SNTB1: variants seen among roughly 807,000 people sequenced by gnomAD.
SNTB1 encodes syntrophin beta 1, also known as beta-1-syntrophin.
In SNTB1, 36 loss-of-function variants were observed where a neutral mutation model predicts 48.9. The ratio of observed to expected loss-of-function variants is 0.74; its 90% CI spans 0.56 to 0.97. The LOEUF is 0.97. Ranked by LOEUF, SNTB1 falls within the 50% of genes least tolerant of loss-of-function variation. The pLI is 0.00. For missense variants in SNTB1, 786 were observed against 703.4 expected, an observed-to-expected ratio of 1.12 and a Z score of -1.33; for synonymous variants, 299 against 294.6, an observed-to-expected ratio of 1.01 and a Z score of -0.15.
chr8:120,793,186 G>A (rs1440918922), intron 1 of SNTB1, among the ~76,000 whole-genome samples: 1 of 151,982 alleles, frequency 6.6e-6, no homozygotes, highest in Non-Finnish European at 1.5e-5. Flanking sequence ...GGTGTGGAGA[G>A]TAAGTCTGGG....
At chr8:120,682,860 T>C (rs764867155) in intron 2 of SNTB1, among the ~76,000 whole-genome samples, 9 of 151,162 alleles carry the variant, frequency 6.0e-5, no homozygotes, top group Non-Finnish European at 1.3e-4. Flanking sequence ...ATAATACTCA[T>C]AGTTTTTTGT....
At chr8:120,788,990 G>T (rs986321062) in intron 1 of SNTB1, among the ~76,000 whole-genome samples, 1 of 151,912 alleles carries the variant, frequency 6.6e-6, no homozygotes, top group Admixed American at 6.6e-5. Context: ...TATATGATAG[G>T]CCACAAAACA....
At chr8:120,747,122 T>A (rs1340802339) in intron 1 of SNTB1, among the ~76,000 whole-genome samples, 1 of 152,102 alleles carries the variant, frequency 6.6e-6, no homozygotes, top group African/African-American at 2.4e-5. Context: ...CATGGTCTTA[T>A]TTATTATTTT....
chr8:120,601,343 A>T (rs1201008506), intron 3 of SNTB1, among the ~76,000 whole-genome samples: 3 of 152,170 alleles, frequency 2.0e-5, no homozygotes, highest in African/African-American at 7.2e-5. Context: ...GGATGAAAAC[A>T]TCTGATATTC....
At chr8:120,803,353 T>G (rs1166625721) in intron 1 of SNTB1, among the ~76,000 whole-genome samples, 1 of 152,208 alleles carries the variant, frequency 6.6e-6, no homozygotes. Flanking sequence ...TTATATATTT[T>G]TGTCTTAAGT....
intron 4 of SNTB1, among the ~76,000 whole-genome samples, chr8:120,557,692 T>C (rs916057140): frequency 2.0e-5 from 3 of 152,196 alleles, no homozygotes; most frequent in Non-Finnish European, 2.9e-5. Context: ...CTGATCTCTC[T>C]TACTAGACCT....
At chr8:120,626,394 T>C (rs1393267292) in intron 3 of SNTB1, among the ~76,000 whole-genome samples, 1 of 152,186 alleles carries the variant, frequency 6.6e-6, no homozygotes, top group Admixed American at 6.5e-5. Context: ...GCAATCTTAA[T>C]CAGTTGGAAA....
chr8:120,604,230 C>T (rs1354097663), intron 3 of SNTB1, among the ~76,000 whole-genome samples: 1 of 152,168 alleles, frequency 6.6e-6, no homozygotes, highest in African/African-American at 2.4e-5. Context: ...TTGATATCCC[C>T]TTGGCGTCTC....
intron 4 of SNTB1, among the ~76,000 whole-genome samples, chr8:120,563,194 C>T (rs1235497447): frequency 6.6e-6 from 1 of 152,022 alleles, no homozygotes; most frequent in African/African-American, 2.4e-5. Context: ...AATAATGTGA[C>T]CTTAATCCTC....
At chr8:120,595,747 C>T (rs1023036246) in intron 3 of SNTB1, among the ~76,000 whole-genome samples, 2 of 152,032 alleles carry the variant, frequency 1.3e-5, no homozygotes, top group African/African-American at 4.8e-5. Flanking sequence ...CCACGCCCGG[C>T]TAATTTTGTG....
At chr8:120,565,211 A>T (rs914669945) in intron 4 of SNTB1, among the ~76,000 whole-genome samples, 3 of 152,202 alleles carry the variant, frequency 2.0e-5, no homozygotes, top group Non-Finnish European at 2.9e-5. Context: ...TTAAAAATGT[A>T]GCCAATGTAT....
chr8:120,712,746 C>T (rs143226810), intron 1 of SNTB1, among the ~76,000 whole-genome samples: 1 of 152,070 alleles, frequency 6.6e-6, no homozygotes, highest in South Asian at 2.1e-4. Flanking sequence ...TCATAGGCAA[C>T]TATGAACTGT....
chr8:120,660,553 T>C (rs1423696105), intron 2 of SNTB1, among the ~76,000 whole-genome samples: 1 of 152,232 alleles, frequency 6.6e-6, no homozygotes, highest in African/African-American at 2.4e-5. Context: ...TGATCTTTTA[T>C]CCAGCACACT....
intron 1 of SNTB1, among the ~76,000 whole-genome samples, chr8:120,716,741 T>G (rs960042716): frequency 6.6e-6 from 1 of 152,234 alleles, no homozygotes; most frequent in African/African-American, 2.4e-5. Context: ...TCAGTTTAGA[T>G]GTCCTTGCTT....
At chr8:120,554,022 A>T (rs1563815817) in intron 4 of SNTB1, among the ~76,000 whole-genome samples, 1 of 152,206 alleles carries the variant, frequency 6.6e-6, no homozygotes, top group Non-Finnish European at 1.5e-5. Context: ...TTCTATAAGA[A>T]ACATATACAT....
intron 1 of SNTB1, among the ~76,000 whole-genome samples, chr8:120,695,977 A>G (rs1226347448): frequency 6.6e-6 from 1 of 152,238 alleles, no homozygotes; most frequent in Admixed American, 6.5e-5. Flanking sequence ...AAAGAGGAAC[A>G]CAGACATACT....
chr8:120,761,774 T>A (rs562895754), intron 1 of SNTB1, among the ~76,000 whole-genome samples: 1 of 152,300 alleles, frequency 6.6e-6, no homozygotes, highest in African/African-American at 2.4e-5. Flanking sequence ...TTTCTTACAC[T>A]ATGGTACAAG....
In SNTB1 at chr8:120,654,039, CAA is replaced by C. The variant is rs58873007; in HGVS notation, c.789-21390_789-21389del. On this transcript the variant is annotated intron_variant, in intron 2 of 6. Transcript: ENST00000517992. The stretch of plus-strand genomic sequence containing the variant: ...TGGGAGACAGAGCGAGACTCTGCCT[CAA>C]AAAAAAAAAAAAAAAAAAAAAAAAA... Among the ~76,000 whole-genome samples, 48 of 25,156 alleles carry C rather than the reference CAA, an allele frequency of 1.9e-3. No individual in the cohort carries two copies. In the East Asian group the frequency reaches 0.034, roughly 18 times the overall value. The allele number at this position is 25,156 out of a possible 152,430, so 16.5% of individuals were successfully genotyped here. A position where few individuals can be genotyped will look rare whatever the true frequency, so the allele number is the denominator to read the frequency against.
chr8:120,792,365 G>A (rs1270697896), intron 1 of SNTB1, among the ~76,000 whole-genome samples: 2 of 140,420 alleles, frequency 1.4e-5, no homozygotes, highest in Non-Finnish European at 3.1e-5. Context: ...GGTGGGTGGG[G>A]GTAAGTGATG....
Sources: gnomAD v4.1 joint callset for allele counts (sites outside exome capture counted in the v4.1 genomes callset) on GRCh38, gnomAD v4.1.1 for gene constraint, MANE v1.5 for transcripts, NCBI Gene and HGNC (gene_info 2026-07-23, HGNC 2026-07-21) for gene names.